Variants in ZBBX observed in about 807,000 individuals in gnomAD.
The protein encoded by ZBBX is zinc finger B-box domain-containing protein 1.
A neutral mutation model predicts 108.5 loss-of-function variants in ZBBX; 101 were observed. That is an observed-to-expected ratio of 0.93 (90% CI 0.79 to 1.10). The LOEUF (loss-of-function observed/expected upper bound fraction) is 1.10. Among genes scored for constraint, ZBBX ranks in the 50% least tolerant of loss-of-function variants. The pLI is 0.00. For missense variants in ZBBX, 1,009 were observed against 941.4 expected (o/e 1.07, Z -0.94); for synonymous variants, 356 against 323.4 (o/e 1.10, Z -1.08).
chr3:167,331,391 C>T (rs1738608594), intron 10 of ZBBX, among the ~76,000 whole-genome samples: 1 of 152,104 alleles, frequency 6.6e-6, no homozygotes, highest in South Asian at 2.1e-4. Context: ...AGCAATATGT[C>T]AGTGTATGTA....
chr3:167,212,046 C>T, the ZBBX span, among the ~76,000 whole-genome samples: 1 of 152,090 alleles, frequency 6.6e-6, no homozygotes, highest in East Asian at 1.9e-4. Flanking sequence ...ATCTACAAAC[C>T]AGGGTATCCA....
At chr3:167,279,048 C>A (rs1190303104) in intron 20 of ZBBX, among the ~76,000 whole-genome samples, 11 of 151,882 alleles carry the variant, frequency 7.2e-5, no homozygotes, top group South Asian at 2.1e-4. Flanking sequence ...CAAAATCCAA[C>A]AACCCTTCAT....
the ZBBX span, among the ~76,000 whole-genome samples, chr3:167,219,102 T>C: frequency 6.6e-6 from 1 of 152,026 alleles, no homozygotes; most frequent in African/African-American, 2.4e-5. Flanking sequence ...AAGTTTAATA[T>C]GTTCACAACA....
At chr3:167,406,998 G>A (rs1401491729) in intron 1 of ZBBX, among the ~76,000 whole-genome samples, 1 of 152,198 alleles carries the variant, frequency 6.6e-6, no homozygotes, top group Non-Finnish European at 1.5e-5. Flanking sequence ...AGAACAGTCT[G>A]TTGTTTGGGA....
the ZBBX span, among the ~76,000 whole-genome samples, chr3:167,188,689 T>C: frequency 4.6e-5 from 7 of 152,214 alleles, no homozygotes; most frequent in Non-Finnish European, 7.3e-5. Context: ...CTTTTATTTG[T>C]CATTTATCTA....
rs1463028958 is a variant in ZBBX, at chr3:167,287,545, C to A, written c.1996+1322G>T. Among the ~76,000 whole-genome samples, 3 of 152,232 alleles carry A rather than the reference C, an allele frequency of 2.0e-5. No individual in the cohort carries two copies. In the East Asian group the frequency reaches 5.8e-4, roughly 29 times the overall value. ...TTTGTTTTGTATAAACAGTGTCTGGCAGTAGTGCTTGAACAAATGTTTTTT... is the reference window on the plus strand; with the variant it reads ...TTTGTTTTGTATAAACAGTGTCTGGAAGTAGTGCTTGAACAAATGTTTTTT... On this transcript the variant is annotated intron_variant, in intron 19 of 21. Coordinates refer to ENST00000675490, the MANE Select transcript of ZBBX (RefSeq NM_001199201.2).
chr3:167,327,249 T>A (rs1737562225), intron 11 of ZBBX, among the ~76,000 whole-genome samples: 1 of 88,376 alleles, frequency 1.1e-5, no homozygotes. Context: ...TATTTTTAAG[T>A]CAAATATTCT....
chr3:167,386,245 T>C lies in ZBBX; in HGVS notation c.-445-5840A>G, dbSNP rs75104589. On this transcript the variant is annotated intron_variant, in intron 1 of 21. Transcript: ENST00000455345. ...TCAGATTTTCTGGAAATTTTCCCCT[T>C]CCTGAAGACTAGCTACATCCAAAAA... Among the ~76,000 whole-genome samples, 944 of 152,114 alleles carry C rather than the reference T, an allele frequency of 6.2e-3. 11 individuals carry two copies. Among genetic ancestry groups the C allele is most frequent in the African/African-American group, 0.022 (897 of 41,520 alleles).
At chr3:167,180,518 A>G in the ZBBX span, among the ~76,000 whole-genome samples, 1 of 152,244 alleles carries the variant, frequency 6.6e-6, no homozygotes, top group African/African-American at 2.4e-5. Flanking sequence ...AAATTTTGCA[A>G]GTGATCATAA....
At chr3:167,379,156 C>G (rs1352200453) in intron 2 of ZBBX, among the ~76,000 whole-genome samples, 4 of 152,116 alleles carry the variant, frequency 2.6e-5, no homozygotes, top group African/African-American at 9.7e-5. Flanking sequence ...TTCAACTAAA[C>G]TTTTTGTTTT....
intron 10 of ZBBX, among the ~76,000 whole-genome samples, chr3:167,329,246 C>T (rs1175545223): frequency 2.6e-5 from 4 of 152,126 alleles, no homozygotes; most frequent in Non-Finnish European, 5.9e-5. Context: ...AAGTAAAACC[C>T]ACACCAATGG....
At chr3:167,233,254 C>A in the ZBBX span, among the ~76,000 whole-genome samples, 1 of 151,828 alleles carries the variant, frequency 6.6e-6, no homozygotes, top group African/African-American at 2.4e-5. Context: ...CAACTCTGGG[C>A]CCTCCTTAGG....
At chr3:167,188,076 C>G in the ZBBX span, among the ~76,000 whole-genome samples, 21 of 152,042 alleles carry the variant, frequency 1.4e-4, no homozygotes, top group Non-Finnish European at 2.8e-4. Context: ...GAGAAAAAAT[C>G]TTACTCAGAT....
At position 167,341,925 on chromosome 3, in the gene ZBBX, G is replaced by A. The variant is rs1196283993; in HGVS notation, c.529-7940C>T. ...CTGTTACATCACAATTAGATAATTCGTATCCCATAAAGACCAATGAACATA... is the reference window on the plus strand; with the variant it reads ...CTGTTACATCACAATTAGATAATTCATATCCCATAAAGACCAATGAACATA... On this transcript the variant is annotated intron_variant, in intron 9 of 21. Coordinates refer to ENST00000675490, the MANE Select transcript of ZBBX (RefSeq NM_001199201.2). Among the ~76,000 whole-genome samples the A allele has an allele frequency of 5.9e-5, 9 of 151,566 alleles. No homozygotes were observed. The East Asian group carries it at 1.4e-3, about 23-fold the overall frequency.
At chr3:167,266,113 G>A (rs1449893999) in intron 20 of ZBBX, among the ~76,000 whole-genome samples, 1 of 152,194 alleles carries the variant, frequency 6.6e-6, no homozygotes, top group Non-Finnish European at 1.5e-5. Flanking sequence ...GTAGACAGTT[G>A]TTAAAATTTG....
At chr3:167,184,028 T>A in the ZBBX span, among the ~76,000 whole-genome samples, 4 of 152,150 alleles carry the variant, frequency 2.6e-5, no homozygotes, top group Non-Finnish European at 4.4e-5. Flanking sequence ...GAATGATGAG[T>A]TCAGAAATAG....
chr3:167,267,934 T>C (rs1725853990), intron 20 of ZBBX, among the ~76,000 whole-genome samples: 1 of 151,248 alleles, frequency 6.6e-6, no homozygotes, highest in African/African-American at 2.4e-5. Flanking sequence ...CCCCAGATCC[T>C]TCTTCTCCTT....
chr3:167,321,773 A>T (rs145270762), intron 12 of ZBBX, among the ~76,000 whole-genome samples: 7 of 152,154 alleles, frequency 4.6e-5, no homozygotes, highest in African/African-American at 1.4e-4. Flanking sequence ...TATAGTCTCA[A>T]ATGTTAGTGC....
chr3:167,358,031 A>T (rs13090406), intron 8 of ZBBX, among the ~76,000 whole-genome samples: 2,111 of 151,880 alleles, frequency 0.014, 26 homozygotes, highest in South Asian at 0.026. Flanking sequence ...TGTTGTTGAG[A>T]GGGGAGGGAT....
Sources: gnomAD v4.1 joint callset for allele counts (sites outside exome capture counted in the v4.1 genomes callset) on GRCh38, gnomAD v4.1.1 for gene constraint, MANE v1.5 for transcripts, NCBI Gene and HGNC (gene_info 2026-07-23, HGNC 2026-07-21) for gene names.